TMEM132C: variants seen among roughly 807,000 people sequenced by gnomAD.
TMEM132C encodes the protein protein phosphatase 1, regulatory subunit 152.
In TMEM132C, 29 loss-of-function variants were observed where a neutral mutation model predicts 61.4. The ratio of observed to expected loss-of-function variants is 0.47; its 90% confidence interval spans 0.35 to 0.64. TMEM132C has a LOEUF of 0.64. Among genes scored for constraint, TMEM132C ranks in the 30% least tolerant of loss-of-function variants. The pLI, the probability that TMEM132C is intolerant of heterozygous loss-of-function variation, is 0.00. For missense variants in TMEM132C, 1,408 were observed against 1,476.9 expected, an observed-to-expected ratio of 0.95 and a Z score of 0.76; for synonymous variants, 656 against 633.1, an observed-to-expected ratio of 1.04 and a Z score of -0.54.
intron 5 of TMEM132C, among the ~76,000 whole-genome samples, chr12:128,689,410 G>A (rs1456906688): frequency 2.0e-5 from 3 of 152,124 alleles, no homozygotes; most frequent in Admixed American, 1.3e-4. Context: ...AGAAAATGAC[G>A]TGAAAGCACC....
Position 128,393,317 on chromosome 12 carries a change from T to C in TMEM132C, c.86-21415T>C, listed in dbSNP as rs192403833. Reference sequence around the variant, plus strand: ...CCCACTTTCAGAATTCCCAACTTCATGGGACCCTTGCCAGTCAGACACGTC... The same window carrying C: ...CCCACTTTCAGAATTCCCAACTTCACGGGACCCTTGCCAGTCAGACACGTC... On this transcript the variant is annotated intron_variant, in intron 1 of 8. Coordinates refer to ENST00000435159, the MANE Select transcript of TMEM132C (RefSeq NM_001136103.3). 1.9e-3 allele frequency among the ~76,000 whole-genome samples: 293 copies of C among 152,316 alleles called. 2 individuals are homozygous for C. Among genetic ancestry groups the C allele is most frequent in the Non-Finnish European group, 2.7e-3 (183 of 68,022 alleles).
At chr12:128,395,822 A>G (rs1388219678) in intron 1 of TMEM132C, among the ~76,000 whole-genome samples, 1 of 120,838 alleles carries the variant, frequency 8.3e-6, no homozygotes, top group African/African-American at 4.2e-5. Context: ...TCTCCTGCCT[A>G]GACCTCCTTG....
chr12:128,450,778 C>T (rs79158716), intron 2 of TMEM132C, among the ~76,000 whole-genome samples: 3,021 of 152,248 alleles, frequency 0.02, 100 homozygotes, highest in African/African-American at 0.066. Context: ...AAGGCAATTA[C>T]GGAAATTCAA....
chr12:128,311,583 C>G (rs1393957590), intron 1 of TMEM132C, among the ~76,000 whole-genome samples: 1 of 152,178 alleles, frequency 6.6e-6, no homozygotes, highest in East Asian at 1.9e-4. Context: ...TTAGATTTGC[C>G]CAGAGGTGCG....
chr12:128,579,227 A>G (rs1267603329), intron 3 of TMEM132C, among the ~76,000 whole-genome samples: 1 of 152,214 alleles, frequency 6.6e-6, no homozygotes, highest in African/African-American at 2.4e-5. Context: ...ACACATGAAG[A>G]AGGCCCTTGC....
intron 4 of TMEM132C, 66 bp downstream of exon 4, chr12:128,616,401 A>C (rs924430811): frequency 1.2e-5 from 17 of 1,439,552 alleles, no homozygotes; most frequent in Non-Finnish European, 1.6e-5. Context: ...TGTCCTTCCT[A>C]TCTGTCATGG....
intron 3 of TMEM132C, among the ~76,000 whole-genome samples, chr12:128,569,545 G>A (rs2136169911): frequency 6.6e-6 from 1 of 152,274 alleles, no homozygotes; most frequent in African/African-American, 2.4e-5. Context: ...GAAGGGAGGG[G>A]AGGGGAAGAA....
At chr12:128,529,942 G>A (rs1265982182) in intron 2 of TMEM132C, among the ~76,000 whole-genome samples, 1 of 152,126 alleles carries the variant, frequency 6.6e-6, no homozygotes, top group Non-Finnish European at 1.5e-5. Flanking sequence ...TGTTAGGCAC[G>A]ATAATGGCAA....
At chr12:128,643,666 A>G (rs983614512) in intron 4 of TMEM132C, among the ~76,000 whole-genome samples, 1 of 152,146 alleles carries the variant, frequency 6.6e-6, no homozygotes, top group Non-Finnish European at 1.5e-5. Flanking sequence ...ATCTAATTAT[A>G]TGTGTTTTGA....
intron 8 of TMEM132C, among the ~76,000 whole-genome samples, chr12:128,702,764 A>G (rs1443997090): frequency 1.3e-5 from 2 of 152,302 alleles, no homozygotes; most frequent in Non-Finnish European, 2.9e-5. Flanking sequence ...CAGTGCTCAG[A>G]GCGCACACAA....
chr12:128,329,602 A>G (rs1232245864), intron 1 of TMEM132C, among the ~76,000 whole-genome samples: 1 of 152,144 alleles, frequency 6.6e-6, no homozygotes, highest in African/African-American at 2.4e-5. Context: ...GATGGTTTAA[A>G]TTATCGTCCC....
intron 2 of TMEM132C, among the ~76,000 whole-genome samples, chr12:128,489,822 A>G (rs2136099399): frequency 6.6e-6 from 1 of 152,224 alleles, no homozygotes; most frequent in African/African-American, 2.4e-5. Context: ...GCGTCCTTCT[A>G]TTAAAGAGCC....
chr12:128,652,843 G>A (rs1032254735), intron 4 of TMEM132C, among the ~76,000 whole-genome samples: 2 of 152,328 alleles, frequency 1.3e-5, no homozygotes, highest in Non-Finnish European at 2.9e-5. Context: ...GTTCACCAGA[G>A]TTAAAGAAAG....
chr12:128,543,830 T>A, intron 2 of TMEM132C, 127 bp from the exon 3 acceptor site: 1 of 1,292,888 alleles, frequency 7.7e-7, no homozygotes, highest in Non-Finnish European at 1.0e-6. Flanking sequence ...GCTTTGCCTC[T>A]CACTAGATAT....
At chr12:128,511,589 A>T (rs1872566481) in intron 2 of TMEM132C, among the ~76,000 whole-genome samples, 1 of 152,214 alleles carries the variant, frequency 6.6e-6, no homozygotes, top group African/African-American at 2.4e-5. Flanking sequence ...GGAGCCACAG[A>T]CAGTGTCACT....
intron 4 of TMEM132C, among the ~76,000 whole-genome samples, chr12:128,627,599 A>T (rs578022687): frequency 6.6e-6 from 1 of 152,312 alleles, no homozygotes; most frequent in South Asian, 2.1e-4. Flanking sequence ...AACAGACATA[A>T]GGTTCCTGTG....
At chr12:128,493,573 A>G (rs573640587) in intron 2 of TMEM132C, among the ~76,000 whole-genome samples, 1,768 of 151,996 alleles carry the variant, frequency 0.012, 41 homozygotes, top group African/African-American at 0.039. Context: ...CACATCCCTT[A>G]TACGTTGGAT....
At chr12:128,394,759 A>G (rs1874883470) in intron 1 of TMEM132C, among the ~76,000 whole-genome samples, 1 of 152,196 alleles carries the variant, frequency 6.6e-6, no homozygotes, top group Admixed American at 6.5e-5. Context: ...TCGGAAAACC[A>G]TACGAGCCAT....
At chr12:128,486,656 T>C (rs766970079) in intron 2 of TMEM132C, among the ~76,000 whole-genome samples, 2 of 152,130 alleles carry the variant, frequency 1.3e-5, no homozygotes, top group Non-Finnish European at 2.9e-5. Flanking sequence ...CTCACCATCG[T>C]TGAAGAAACA....
Sources: allele counts gnomAD v4.1 joint callset (sites outside exome capture counted in the v4.1 genomes callset), GRCh38; gene constraint gnomAD v4.1.1; transcripts MANE v1.5; gene names NCBI Gene and HGNC (gene_info 2026-07-23, HGNC 2026-07-21).